DLG2: variants seen among roughly 807,000 people sequenced by gnomAD.
DLG2 encodes discs large MAGUK scaffold protein 2.
A neutral mutation model predicts 132.5 loss-of-function variants in DLG2; 45 were observed. That is an observed-to-expected ratio of 0.34 (90% CI 0.27 to 0.44). The LOEUF (loss-of-function observed/expected upper bound fraction) is 0.44, where lower values mean the gene tolerates loss of function less well. DLG2 is among the 20% of genes least tolerant of loss of function. The probability of loss-of-function intolerance (pLI) is 1.00; values close to 1 mark genes in which losing one functional copy is unlikely to be tolerated. For missense variants in DLG2, 1,045 were observed against 1,196.9 expected (o/e 0.87, Z 1.87); for synonymous variants, 424 against 419.6 (o/e 1.01, Z -0.13).
At chr11:84,265,154 T>A (rs1178595112) in intron 7 of DLG2, among the ~76,000 whole-genome samples, 1 of 152,186 alleles carries the variant, frequency 6.6e-6, no homozygotes, top group Non-Finnish European at 1.5e-5. Context: ...TATTATTTCA[T>A]CAATATCATG....
At chr11:84,307,744 T>TA (rs1388686164) in intron 7 of DLG2, among the ~76,000 whole-genome samples, 5 of 149,604 alleles carry the variant, frequency 3.3e-5, no homozygotes, top group Non-Finnish European at 1.5e-5. Context: ...CGGTGAGTGT[T>TA]ACAGTTCTTA....
chr11:84,189,121 C>G (rs1215973088), intron 8 of DLG2, among the ~76,000 whole-genome samples: 2 of 152,126 alleles, frequency 1.3e-5, no homozygotes. Context: ...ATGGTTGATG[C>G]TAACGTCTTA....
At chr11:84,708,429 T>C (rs2060006227) in intron 6 of DLG2, among the ~76,000 whole-genome samples, 1 of 151,932 alleles carries the variant, frequency 6.6e-6, no homozygotes, top group Non-Finnish European at 1.5e-5. Flanking sequence ...TCTTAAACCT[T>C]ATGACCACTT....
chr11:85,249,714 A>G (rs2076305330), intron 4 of DLG2, among the ~76,000 whole-genome samples: 1 of 152,104 alleles, frequency 6.6e-6, no homozygotes. Context: ...TTATATCACA[A>G]TGAGAATGCA....
chr11:84,258,638 A>C (rs1420987626), intron 7 of DLG2, among the ~76,000 whole-genome samples: 1 of 152,218 alleles, frequency 6.6e-6, no homozygotes, highest in Non-Finnish European at 1.5e-5. Flanking sequence ...CCAACTGAGC[A>C]AGTCACTTGC....
At chr11:85,147,823 G>T (rs569538960) in intron 5 of DLG2, among the ~76,000 whole-genome samples, 1 of 152,186 alleles carries the variant, frequency 6.6e-6, no homozygotes, top group East Asian at 1.9e-4. Context: ...TGTGCCATGG[G>T]TTGCTGCACC....
chr11:83,798,780 C>T (rs2043525866), intron 17 of DLG2, among the ~76,000 whole-genome samples: 1 of 152,062 alleles, frequency 6.6e-6, no homozygotes, highest in South Asian at 2.1e-4. Flanking sequence ...AGATGTATTA[C>T]AGTGTATTAA....
intron 21 of DLG2, among the ~76,000 whole-genome samples, chr11:83,504,586 GT>G (rs1354657592): frequency 6.6e-6 from 1 of 152,092 alleles, no homozygotes; most frequent in Non-Finnish European, 1.5e-5. Context: ...TAACAGAATC[GT>G]TGTGTCTCCT....
At chr11:83,591,155 T>C (rs1478221051) in intron 19 of DLG2, among the ~76,000 whole-genome samples, 1,648 of 149,698 alleles carry the variant, frequency 0.011, 33 homozygotes, top group African/African-American at 0.038. Context: ...GCCAGCATCA[T>C]CCTGATACCA....
At chr11:84,021,135 A>G (rs1023177956) in intron 11 of DLG2, among the ~76,000 whole-genome samples, 1 of 152,196 alleles carries the variant, frequency 6.6e-6, no homozygotes, top group Non-Finnish European at 1.5e-5. Flanking sequence ...CTGGGTGCCC[A>G]GTACCTATTT....
chr11:83,871,597 C>G (rs1386237737), intron 16 of DLG2, among the ~76,000 whole-genome samples: 2 of 135,786 alleles, frequency 1.5e-5, no homozygotes, highest in Admixed American at 7.4e-5. Context: ...GTTAAAGACC[C>G]ATTGGCCTAT....
At chr11:85,540,879 C>T (rs180955082) in intron 3 of DLG2, among the ~76,000 whole-genome samples, 2 of 152,232 alleles carry the variant, frequency 1.3e-5, no homozygotes, top group Non-Finnish European at 1.5e-5. Flanking sequence ...CCCTGTTGCA[C>T]GCCCTGCGAG....
chr11:84,158,277 A>T (rs1029149600), intron 9 of DLG2, among the ~76,000 whole-genome samples: 4 of 151,972 alleles, frequency 2.6e-5, no homozygotes, highest in Admixed American at 1.3e-4. Context: ...GTTAGCCAGG[A>T]TGGTCTCGAT....
At chr11:84,448,876 T>C (rs1035848951) in intron 7 of DLG2, among the ~76,000 whole-genome samples, 1 of 152,028 alleles carries the variant, frequency 6.6e-6, no homozygotes, top group Non-Finnish European at 1.5e-5. Context: ...TAACTATCTT[T>C]TGAATAATTT....
intron 6 of DLG2, among the ~76,000 whole-genome samples, chr11:85,049,559 T>A (rs2062692501): frequency 6.6e-6 from 1 of 152,120 alleles, no homozygotes; most frequent in African/African-American, 2.4e-5. Context: ...CCAGTAATTA[T>A]CTGCACTAGG....
intron 3 of DLG2, among the ~76,000 whole-genome samples, chr11:85,471,871 C>A (rs2092994473): frequency 6.6e-6 from 1 of 151,930 alleles, no homozygotes; most frequent in Non-Finnish European, 1.5e-5. Context: ...AATAAATAGA[C>A]AAATCCTAGA....
chr11:84,552,353 T>C (rs2099403433), intron 6 of DLG2, among the ~76,000 whole-genome samples: 1 of 152,106 alleles, frequency 6.6e-6, no homozygotes, highest in African/African-American at 2.4e-5. Flanking sequence ...TTCCCCAAAA[T>C]CTAGAATTTC....
At chr11:84,885,047 C>CA (rs1420291073) in intron 6 of DLG2, among the ~76,000 whole-genome samples, 2 of 152,060 alleles carry the variant, frequency 1.3e-5, no homozygotes, top group Non-Finnish European at 2.9e-5. Flanking sequence ...AGCTATGTCG[C>CA]AATGCCTGCA....
intron 18 of DLG2, among the ~76,000 whole-genome samples, chr11:83,691,636 G>A: frequency 6.6e-6 from 1 of 152,108 alleles, no homozygotes; most frequent in East Asian, 1.9e-4. Flanking sequence ...CTGGTTCTAG[G>A]TGCCTGTAAC....
Sources: gnomAD v4.1 joint callset for allele counts (sites outside exome capture counted in the v4.1 genomes callset) on GRCh38, gnomAD v4.1.1 for gene constraint, MANE v1.5 for transcripts, NCBI Gene and HGNC (gene_info 2026-07-23, HGNC 2026-07-21) for gene names.